The following UACA variants were observed in gnomAD, a reference collection of about 807,000 sequenced individuals.
The protein encoded by UACA is uveal autoantigen with coiled-coil domains and ankyrin repeats, also known as nuclear membrane binding protein.
Under a neutral mutation model 160.5 loss-of-function variants are expected in UACA, and 112 were observed. That is an observed-to-expected ratio of 0.70 (90% CI 0.60 to 0.82). The LOEUF (loss-of-function observed/expected upper bound fraction) is 0.82, where lower values mean the gene tolerates loss of function less well. Ranked by LOEUF, UACA falls within the 40% of genes least tolerant of loss-of-function variation. The probability of loss-of-function intolerance (pLI) is 0.00; values close to 1 mark genes in which losing one functional copy is unlikely to be tolerated. For missense variants in UACA, 1,574 were observed against 1,614.6 expected, an observed-to-expected ratio of 0.97 and a Z score of 0.43; for synonymous variants, 557 against 568.4, an observed-to-expected ratio of 0.98 and a Z score of 0.29.
chr15:70,748,538 C>T (rs1899781057), intron 1 of UACA, among the ~76,000 whole-genome samples: 1 of 152,180 alleles, frequency 6.6e-6, no homozygotes, highest in Non-Finnish European at 1.5e-5. Context: ...ACCCTAATGA[C>T]AGGACAAATT....
intron 1 of UACA, chr15:70,749,414 T>A (rs1264116263): frequency 5.8e-6 from 1 of 173,850 alleles, no homozygotes; most frequent in Non-Finnish European, 1.2e-5. Context: ...TAGTCCCAGC[T>A]ACTTGGGAGG....
intron 9 of UACA, among the ~76,000 whole-genome samples, chr15:70,680,896 C>A (rs893315011): frequency 6.6e-6 from 1 of 152,212 alleles, no homozygotes; most frequent in African/African-American, 2.4e-5. Flanking sequence ...GGGTACATAT[C>A]AATAGTCCTT....
chr15:70,676,384 C>G, intron 13 of UACA, 109 bp downstream of exon 13: 1 of 833,900 alleles, frequency 1.2e-6, no homozygotes, highest in Non-Finnish European at 1.8e-6. Context: ...AATAAGCAGC[C>G]CAAGGTCACA....
chr15:70,725,086 C>CAA (rs530104280), intron 1 of UACA, among the ~76,000 whole-genome samples: 1 of 135,524 alleles, frequency 7.4e-6, no homozygotes, highest in East Asian at 2.1e-4. Flanking sequence ...AGCAAGATCT[C>CAA]AAAAAAAAAA....
chr15:70,700,318 T>TATATATATACACACACAC (rs565377949), intron 1 of UACA, among the ~76,000 whole-genome samples: 10 of 139,758 alleles, frequency 7.2e-5, no homozygotes, highest in African/African-American at 2.6e-4. Context: ...TATATATATA[T>TATATATATACACACACAC]ACACACACAC....
chr15:70,754,890 G>A (rs896242317), intron 1 of UACA, among the ~76,000 whole-genome samples: 1 of 152,104 alleles, frequency 6.6e-6, no homozygotes, highest in South Asian at 2.1e-4. Context: ...GGAAAATAAG[G>A]CAATGAGTAT....
chr15:70,744,823 T>C (rs1323645099), intron 1 of UACA, among the ~76,000 whole-genome samples: 1 of 152,144 alleles, frequency 6.6e-6, no homozygotes, highest in Non-Finnish European at 1.5e-5. Flanking sequence ...GCAAAATTAG[T>C]CAGGATTCTG....
At chr15:70,769,876 A>G in the UACA span, among the ~76,000 whole-genome samples, 3 of 152,144 alleles carry the variant, frequency 2.0e-5, no homozygotes, top group African/African-American at 7.2e-5. Flanking sequence ...GGGCACCTGT[A>G]ATCCCAGCCA....
intron 1 of UACA, among the ~76,000 whole-genome samples, chr15:70,728,326 G>A (rs1464064345): frequency 2.0e-5 from 3 of 152,132 alleles, no homozygotes; most frequent in Non-Finnish European, 4.4e-5. Flanking sequence ...CACTTTGGGA[G>A]GCCAAGGCAG....
chr15:70,729,192 A>G (rs1899239113), intron 1 of UACA, among the ~76,000 whole-genome samples: 1 of 152,232 alleles, frequency 6.6e-6, no homozygotes, highest in African/African-American at 2.4e-5. Flanking sequence ...CTGGGTATAT[A>G]CTCAAAGGAA....
At chr15:70,660,831 T>C (rs1896680012) in intron 17 of UACA, 1 of 152,252 alleles carries the variant, frequency 6.6e-6, no homozygotes, top group African/African-American at 2.4e-5. Context: ...CACATTCACA[T>C]AACTTTTATT....
upstream of UACA, chr15:70,763,656 G>T: frequency 1.7e-6 from 1 of 577,094 alleles, no homozygotes; most frequent in Non-Finnish European, 2.5e-6. Context: ...AATGGGGCGG[G>T]ACTTCCCTTT....
chr15:70,712,390 T>C (rs1006895104), intron 1 of UACA, among the ~76,000 whole-genome samples: 1 of 152,140 alleles, frequency 6.6e-6, no homozygotes, highest in Non-Finnish European at 1.5e-5. Context: ...GATGGCTGCA[T>C]TTATCTCCTA....
chr15:70,722,098 C>T (rs1899010558), intron 1 of UACA, among the ~76,000 whole-genome samples: 1 of 152,108 alleles, frequency 6.6e-6, no homozygotes, highest in South Asian at 2.1e-4. Flanking sequence ...AAAAATATTT[C>T]CCAGGCAAAT....
At chr15:70,750,673 A>T (rs368328475) in intron 1 of UACA, among the ~76,000 whole-genome samples, 1 of 152,224 alleles carries the variant, frequency 6.6e-6, no homozygotes, top group East Asian at 1.9e-4. Flanking sequence ...GTTCGAGACC[A>T]GCCTGGGCAA....
intron 2 of UACA, among the ~76,000 whole-genome samples, chr15:70,696,376 C>T (rs549727995): frequency 2.6e-5 from 4 of 152,226 alleles, no homozygotes; most frequent in African/African-American, 9.6e-5. Flanking sequence ...CTATTACATC[C>T]CCCGAACCAA....
intron 1 of UACA, among the ~76,000 whole-genome samples, chr15:70,760,733 G>A (rs1300158599): frequency 2.6e-5 from 4 of 151,802 alleles, no homozygotes; most frequent in African/African-American, 7.3e-5. Context: ...CTTGAACCTG[G>A]GAGGCGGAGG....
chr15:70,772,437 G>A, the UACA span, among the ~76,000 whole-genome samples: 1 of 146,580 alleles, frequency 6.8e-6, no homozygotes. Flanking sequence ...GGCTTGCAGT[G>A]AGCCAAGGTT....
intron 1 of UACA, chr15:70,703,035 T>C: frequency 8.4e-7 from 1 of 1,190,666 alleles, no homozygotes; most frequent in Non-Finnish European, 1.1e-6. Flanking sequence ...AAATACACAT[T>C]AGACAACGAG....
Sources: gnomAD v4.1 joint callset for allele counts (sites outside exome capture counted in the v4.1 genomes callset) on GRCh38, gnomAD v4.1.1 for gene constraint, MANE v1.5 for transcripts, NCBI Gene and HGNC (gene_info 2026-07-23, HGNC 2026-07-21) for gene names.